The following LRBA variants were observed in gnomAD, a reference collection of about 807,000 sequenced individuals.
LRBA encodes the protein LPS responsive beige-like anchor protein.
A neutral mutation model predicts 330.0 loss-of-function variants in LRBA; 176 were observed. That is an observed-to-expected ratio of 0.53 (90% CI 0.47 to 0.60). The LOEUF (loss-of-function observed/expected upper bound fraction) is 0.60. Among genes scored for constraint, LRBA ranks in the 20% least tolerant of loss-of-function variants. The probability of loss-of-function intolerance (pLI) is 0.00; values close to 1 mark genes in which losing one functional copy is unlikely to be tolerated. For missense variants in LRBA, 3,259 were observed against 3,444.8 expected (o/e 0.95, Z 1.35); for synonymous variants, 1,230 against 1,193.0 (o/e 1.03, Z -0.64).
intron 53 of LRBA, among the ~76,000 whole-genome samples, chr4:150,296,573 A>T (rs1728999363): frequency 6.6e-6 from 1 of 152,208 alleles, no homozygotes; most frequent in African/African-American, 2.4e-5. Context: ...ATTTGTTAAC[A>T]CTTATAAACT....
chr4:150,859,910 A>C (rs1751682556), intron 22 of LRBA, among the ~76,000 whole-genome samples: 1 of 152,236 alleles, frequency 6.6e-6, no homozygotes, highest in Non-Finnish European at 1.5e-5. Context: ...AAGTATTATA[A>C]AATCTTCAGA....
At chr4:150,482,390 A>G (rs1320286947) in intron 42 of LRBA, among the ~76,000 whole-genome samples, 1 of 152,122 alleles carries the variant, frequency 6.6e-6, no homozygotes, top group African/African-American at 2.4e-5. Flanking sequence ...ATTACTAAGT[A>G]CTATATAGAT....
chr4:150,969,229 C>A (rs1160574503), intron 2 of LRBA, among the ~76,000 whole-genome samples: 1 of 152,220 alleles, frequency 6.6e-6, no homozygotes, highest in South Asian at 2.1e-4. Flanking sequence ...GTAATTTCAA[C>A]TTTCAAATCT....
At chr4:150,428,495 T>C (rs1281280016) in intron 46 of LRBA, among the ~76,000 whole-genome samples, 1 of 152,080 alleles carries the variant, frequency 6.6e-6, no homozygotes, top group Non-Finnish European at 1.5e-5. Flanking sequence ...ATATCAGGCA[T>C]ATATCCATTT....
chr4:150,906,676 G>C (rs1731375839), intron 11 of LRBA, among the ~76,000 whole-genome samples: 1 of 152,004 alleles, frequency 6.6e-6, no homozygotes, highest in African/African-American at 2.4e-5. Flanking sequence ...ATGATATAGA[G>C]AAAAATGAGC....
intron 40 of LRBA, among the ~76,000 whole-genome samples, chr4:150,561,587 G>A (rs888771262): frequency 6.6e-6 from 1 of 152,060 alleles, no homozygotes; most frequent in African/African-American, 2.4e-5. Context: ...GCTGAATTAA[G>A]GAAGGAAGCC....
chr4:150,756,401 T>C (rs1362077565), intron 35 of LRBA, among the ~76,000 whole-genome samples: 1 of 152,140 alleles, frequency 6.6e-6, no homozygotes, highest in Admixed American at 6.5e-5. Context: ...CTAAATTTTT[T>C]TGCAAGTAAT....
At chr4:150,831,675 T>C (rs1174413001) in intron 29 of LRBA, 142 bp downstream of exon 29, 11 of 523,614 alleles carry the variant, frequency 2.1e-5, no homozygotes, top group East Asian at 3.6e-5. Context: ...CCACAACTTT[T>C]AGTTAATAAT....
chr4:150,434,724 G>C (rs955008703), intron 46 of LRBA, among the ~76,000 whole-genome samples: 2 of 152,032 alleles, frequency 1.3e-5, no homozygotes, highest in African/African-American at 4.8e-5. Flanking sequence ...GGTGGTACAT[G>C]CCTGTGGTCC....
chr4:150,823,177 G>T lies in LRBA; in HGVS notation c.5171+5003C>A, dbSNP rs543366259. ...TTGCATTTTTCTGATCAATGATGTT[G>T]AGCATCTTGTCATAAAATCATTTGA... On this transcript the variant is annotated intron_variant, in intron 30 of 56. Coordinates refer to ENST00000651943, the MANE Select transcript of LRBA (RefSeq NM_001364905.1). 2.3e-3 allele frequency among the ~76,000 whole-genome samples: 343 copies of T among 152,228 alleles called. 2 individuals are homozygous for T. Among genetic ancestry groups the T allele is most frequent in the Admixed American group, 4.4e-3 (67 of 15,288 alleles).
At chr4:150,641,949 T>C (rs902446346) in intron 37 of LRBA, among the ~76,000 whole-genome samples, 1 of 152,060 alleles carries the variant, frequency 6.6e-6, no homozygotes, top group Admixed American at 6.6e-5. Flanking sequence ...TGGATGGTAT[T>C]TGCTATCTAA....
chr4:150,570,060 C>G (rs17026976), intron 40 of LRBA, among the ~76,000 whole-genome samples: 4,090 of 151,950 alleles, frequency 0.027, 177 homozygotes, highest in African/African-American at 0.093. Flanking sequence ...TCCCATGAAG[C>G]CTGAAGACAA....
At chr4:150,987,406 G>C (rs1226769615) in intron 2 of LRBA, among the ~76,000 whole-genome samples, 1 of 152,176 alleles carries the variant, frequency 6.6e-6, no homozygotes, top group Non-Finnish European at 1.5e-5. Flanking sequence ...AAAAGTGCCA[G>C]TCAGCAAGTT....
At chr4:150,552,668 A>T (rs1766752497) in intron 40 of LRBA, among the ~76,000 whole-genome samples, 1 of 152,156 alleles carries the variant, frequency 6.6e-6, no homozygotes, top group South Asian at 2.1e-4. Context: ...AAGGATTATA[A>T]ATCATGCTGA....
rs1578791413 is a variant in LRBA at position 150,790,513 on chromosome 4, G to A, written c.5580+7568C>T. Among the ~76,000 whole-genome samples, 5 of 152,058 alleles carry A rather than the reference G, an allele frequency of 3.3e-5. No individual in the cohort carries two copies. The East Asian group carries it at 7.7e-4, about 23-fold the overall frequency. On this transcript the variant is annotated intron_variant, in intron 34 of 56. Transcript: ENST00000651943. ...ATTTTGTATTAATGTTTTTGCTATT[G>A]TTTCAAGACAAATGTTTCCACCTTA...
chr4:150,837,142 G>C (rs965544507), intron 28 of LRBA, among the ~76,000 whole-genome samples: 2 of 152,182 alleles, frequency 1.3e-5, no homozygotes, highest in Admixed American at 1.3e-4. Context: ...TAGTTTGATT[G>C]CACTGTGGTC....
intron 52 of LRBA, among the ~76,000 whole-genome samples, chr4:150,309,990 T>C (rs1730845227): frequency 6.6e-6 from 1 of 152,186 alleles, no homozygotes; most frequent in East Asian, 1.9e-4. Context: ...TCTGTAAGCA[T>C]GAGCTTGGGT....
chr4:150,846,309 T>A (rs1210686350), intron 26 of LRBA, among the ~76,000 whole-genome samples: 3 of 151,634 alleles, frequency 2.0e-5, no homozygotes, highest in African/African-American at 7.3e-5. Context: ...GGCGGGGGGA[T>A]CACAAGGTCA....
At chr4:150,372,038 A>T (rs1180362571) in intron 47 of LRBA, among the ~76,000 whole-genome samples, 1 of 152,052 alleles carries the variant, frequency 6.6e-6, no homozygotes, top group Non-Finnish European at 1.5e-5. Context: ...TGTACCTTTG[A>T]TTTAATAAGC....
Sources: gnomAD v4.1 joint callset for allele counts (sites outside exome capture counted in the v4.1 genomes callset) on GRCh38, gnomAD v4.1.1 for gene constraint, MANE v1.5 for transcripts, NCBI Gene and HGNC (gene_info 2026-07-23, HGNC 2026-07-21) for gene names.